Variants in SPP2 observed in about 807,000 individuals in gnomAD.
The protein encoded by SPP2 is secreted phosphoprotein 2.
Under a neutral mutation model 28.8 loss-of-function variants are expected in SPP2, and 34 were observed. The observed-to-expected ratio is 1.18, with a 90% CI of 0.90 to 1.57. SPP2 has a LOEUF of 1.57. SPP2 is among the 40% of genes most tolerant of loss of function. The pLI is 0.00. For missense variants in SPP2, 269 were observed against 263.9 expected (o/e 1.02, Z -0.13); for synonymous variants, 96 against 89.4 (o/e 1.07, Z -0.42).
chr2:234,068,542 T>G (rs375320507), intron 6 of SPP2, among the ~76,000 whole-genome samples: 1 of 152,186 alleles, frequency 6.6e-6, no homozygotes, highest in East Asian at 1.9e-4. Flanking sequence ...TTATTTGAAG[T>G]GCTAGAGCTT....
At chr2:234,066,688 T>A in intron 5 of SPP2, 101 bp downstream of exon 5, 1 of 892,190 alleles carries the variant, frequency 1.1e-6, no homozygotes, top group Non-Finnish European at 1.8e-6. Flanking sequence ...CATATGTATG[T>A]AATCTTGCAA....
Position 234,069,998 on chromosome 2 carries a change from T to A in SPP2, c.621T>A (p.Asn207Lys), listed in dbSNP as rs1233544747. ...ACCACCGGCACAGAGCAAGAATAAA[T>A]ACTGACTTTGAGTAACGGCCTTGAG... The part of the protein sequence containing the change: ...YPNHRHRARI[N>K]TDFE The change falls in exon 7 of 8, where the codon AAT (asparagine) becomes AAA (lysine). Residue 207 changes from asparagine (N) to lysine (K), a missense_variant. Physicochemically the swap from Asn to Lys is moderately conservative, Grantham distance 94. Transcript: ENST00000168148. 6.2e-7 allele frequency: 1 copy of A among 1,613,332 alleles called. No individual in the cohort carries two copies. The highest frequency in any genetic ancestry group is 8.5e-7 in the Non-Finnish European group (1 of 1,179,456).
At chr2:234,052,720 G>A (rs1693522984) in intron 2 of SPP2, among the ~76,000 whole-genome samples, 1 of 152,128 alleles carries the variant, frequency 6.6e-6, no homozygotes, top group Non-Finnish European at 1.5e-5. Flanking sequence ...GCCTATTCTT[G>A]CCTCTCCCTG....
Position 234,067,357 on chromosome 2 carries a change from T to C in SPP2, c.550+83T>C. On this transcript the variant is annotated intron_variant, in intron 6 of 7. Transcript: ENST00000168148. The stretch of plus-strand genomic sequence containing the variant: ...TGAGAAATCCTATTTCATAGCTGTT[T>C]CCTGTTTCATAGGAGTTAAATCTCT... 2.4e-6 allele frequency: 3 copies of C among 1,264,676 alleles called. No individual in the cohort carries two copies. The South Asian group carries it at 3.7e-5, about 16-fold the overall frequency. The allele number at this position is 1,264,676 out of a possible 1,614,324, so 78.3% of individuals were successfully genotyped here.
intron 5 of SPP2, 111 bp from the exon 6 acceptor site, chr2:234,067,113 C>A: frequency 9.6e-7 from 1 of 1,036,880 alleles, no homozygotes; most frequent in Non-Finnish European, 1.5e-6. Context: ...CAATGGTGAT[C>A]TCTCACTGCT....
At chr2:234,060,061 G>A (rs888852595) in intron 3 of SPP2, among the ~76,000 whole-genome samples, 3 of 152,196 alleles carry the variant, frequency 2.0e-5, no homozygotes, top group Non-Finnish European at 4.4e-5. Context: ...GAAGTCCTGT[G>A]GGGTTCTTCG....
chr2:234,055,360 A>G (rs935596239), intron 2 of SPP2, among the ~76,000 whole-genome samples: 1 of 152,206 alleles, frequency 6.6e-6, no homozygotes, highest in African/African-American at 2.4e-5. Context: ...AAGGCCTTTA[A>G]CTGATTCGAT....
rs1690811415 is a variant in SPP2 at position 234,072,473 on chromosome 2, T to C, written c.*10+2450T>C. On this transcript the variant is annotated intron_variant, in intron 7 of 7. Transcript: ENST00000168148. ...CAATGGATTGGCTGTATTTTGTTTA[T>C]TAGTAATATGATAACGTTGGATGTG... 2.0e-5 allele frequency among the ~76,000 whole-genome samples: 3 copies of C among 152,228 alleles called. 1 individual carries two copies. The highest frequency in any genetic ancestry group is 7.2e-5 in the African/African-American group (3 of 41,464).
intron 4 of SPP2, among the ~76,000 whole-genome samples, chr2:234,061,478 T>C (rs940257807): frequency 3.3e-5 from 5 of 152,256 alleles, no homozygotes; most frequent in Admixed American, 2.0e-4. Context: ...TATTGACAGA[T>C]ATTTTTAAAT....
At chr2:234,060,871 C>T (rs1330779628) in intron 4 of SPP2, among the ~76,000 whole-genome samples, 1 of 152,096 alleles carries the variant, frequency 6.6e-6, no homozygotes, top group Non-Finnish European at 1.5e-5. Context: ...AAGTATGTGG[C>T]TCGCTGGCAC....
intron 7 of SPP2, among the ~76,000 whole-genome samples, chr2:234,072,120 T>C (rs1015465161): frequency 6.6e-6 from 1 of 152,212 alleles, no homozygotes; most frequent in African/African-American, 2.4e-5. Flanking sequence ...TCACTTTGGG[T>C]TCTTGAAATC....
intron 2 of SPP2, among the ~76,000 whole-genome samples, chr2:234,052,078 A>T (rs1476343837): frequency 6.6e-6 from 1 of 152,224 alleles, no homozygotes; most frequent in East Asian, 1.9e-4. Context: ...TTCAAGGGAA[A>T]TGAATCAAAA....
chr2:234,059,011 C>T, intron 3 of SPP2, 53 bp downstream of exon 3: 2 of 1,580,070 alleles, frequency 1.3e-6, no homozygotes, highest in East Asian at 2.2e-5. Context: ...AGCCTCACTT[C>T]TTCCATGACC....
rs886302747 is a variant in SPP2, at chr2:234,058,954, A to C, written c.329A>C (p.Tyr110Ser). 2 of 1,613,158 alleles carry C rather than the reference A, an allele frequency of 1.2e-6. No homozygotes were observed. The highest frequency in any genetic ancestry group is 1.1e-5 in the South Asian group (1 of 90,764). The change falls in exon 3 of 8, where the codon TAT becomes TCT. Residue 110 changes from tyrosine to serine, a missense_variant. Coordinates refer to ENST00000168148, the MANE Select transcript of SPP2 (RefSeq NM_006944.3). ...PATCAFQRDYYVSTAVCRSTV... is the reference protein window; with the variant it reads ...PATCAFQRDYSVSTAVCRSTV... ...ACATGTGCCTTCCAGAGGGACTACT[A>C]TGTGGTAAGTGGGAGGAGACCCATC...
intron 7 of SPP2, among the ~76,000 whole-genome samples, chr2:234,073,188 G>A (rs527461830): frequency 6.6e-6 from 1 of 152,258 alleles, no homozygotes; most frequent in South Asian, 2.1e-4. Context: ...ACGCCTGGCC[G>A]ACCATAAACT....
At chr2:234,060,523 G>T (rs370977467) in intron 4 of SPP2, 44 bp downstream of exon 4, 2 of 1,501,892 alleles carry the variant, frequency 1.3e-6, no homozygotes, top group South Asian at 1.2e-5. Flanking sequence ...ACCTCTTAGG[G>T]TCTGTGTGGG....
chr2:234,051,385 T>C (rs975124305), intron 2 of SPP2, among the ~76,000 whole-genome samples: 4 of 152,216 alleles, frequency 2.6e-5, no homozygotes, highest in Non-Finnish European at 4.4e-5. Flanking sequence ...CGCGATTCTT[T>C]CTGAGGTGTT....
intron 7 of SPP2, among the ~76,000 whole-genome samples, chr2:234,072,793 T>C (rs1334736052): frequency 6.6e-6 from 1 of 152,182 alleles, no homozygotes; most frequent in Non-Finnish European, 1.5e-5. Flanking sequence ...TGCTCTCCCA[T>C]CTGTAATGGT....
rs74975266 is a variant in SPP2, at chr2:234,058,926, G to A, written c.301G>A (p.Ala101Thr). The change falls in exon 3 of 8, where the codon GCT becomes ACT. Residue 101 changes from alanine to threonine, a missense_variant. Transcript: ENST00000168148. ...CAGGAAGGATTCTGGAGAAGATCCCGCTACATGTGCCTTCCAGAGGGACTA... is the reference window on the plus strand; with the variant it reads ...CAGGAAGGATTCTGGAGAAGATCCCACTACATGTGCCTTCCAGAGGGACTA... ...TCRKDSGEDP[A>T]TCAFQRDYYV... The A allele has an allele frequency of 5.2e-5, 84 of 1,613,982 alleles. No homozygotes were observed. Among genetic ancestry groups the A allele is most frequent in the East Asian group, 1.6e-4 (7 of 44,876 alleles).
Sources: allele counts gnomAD v4.1 joint callset (sites outside exome capture counted in the v4.1 genomes callset), GRCh38; gene constraint gnomAD v4.1.1; transcripts MANE v1.5; gene names NCBI Gene and HGNC (gene_info 2026-07-23, HGNC 2026-07-21).